The following PRKN variants were observed in gnomAD, a reference collection of about 807,000 sequenced individuals.
The protein encoded by PRKN is E3 ubiquitin-protein ligase parkin.
In PRKN, 56 loss-of-function variants were observed where a neutral mutation model predicts 59.5. The observed-to-expected ratio is 0.94, with a 90% CI of 0.76 to 1.18. PRKN has a LOEUF of 1.18. Among genes scored for constraint, PRKN ranks in the 50% most tolerant of loss-of-function variants. The pLI is 0.00. For missense variants in PRKN, 657 were observed against 596.4 expected (o/e 1.10, Z -1.06); for synonymous variants, 250 against 222.1 (o/e 1.13, Z -1.12).
intron 4 of PRKN, among the ~76,000 whole-genome samples, chr6:162,114,438 G>T (rs1180908783): frequency 2.0e-5 from 3 of 151,834 alleles, no homozygotes; most frequent in African/African-American, 7.3e-5. Context: ...CACATCCCTT[G>T]TAAGTTGGAT....
At chr6:162,419,341 A>G (rs1240032967) in intron 2 of PRKN, among the ~76,000 whole-genome samples, 2 of 152,192 alleles carry the variant, frequency 1.3e-5, no homozygotes, top group African/African-American at 4.8e-5. Context: ...CAAAGTGTTC[A>G]ACTTTATTAT....
chr6:162,676,320 G>C (rs924208945), intron 1 of PRKN, among the ~76,000 whole-genome samples: 10 of 151,796 alleles, frequency 6.6e-5, no homozygotes, highest in African/African-American at 2.2e-4. Context: ...CAGATGTTTT[G>C]ATGAGTTTCC....
chr6:162,488,866 G>A (rs1792675265), intron 1 of PRKN, among the ~76,000 whole-genome samples: 1 of 152,196 alleles, frequency 6.6e-6, no homozygotes, highest in South Asian at 2.1e-4. Flanking sequence ...CACTCTAGCA[G>A]GAAAGACAAA....
At chr6:162,428,366 C>G (rs979916307) in intron 2 of PRKN, among the ~76,000 whole-genome samples, 1 of 152,112 alleles carries the variant, frequency 6.6e-6, no homozygotes, top group Non-Finnish European at 1.5e-5. Context: ...TTTGGTAGCA[C>G]TAGGTATCAA....
At chr6:162,225,955 A>C (rs1263900107) in intron 3 of PRKN, among the ~76,000 whole-genome samples, 2 of 146,710 alleles carry the variant, frequency 1.4e-5, no homozygotes, top group Non-Finnish European at 3.0e-5. Context: ...TTATTTCCTA[A>C]ACATATATGT....
intron 4 of PRKN, among the ~76,000 whole-genome samples, chr6:162,063,210 A>G (rs955964132): frequency 6.6e-6 from 1 of 152,220 alleles, no homozygotes; most frequent in Non-Finnish European, 1.5e-5. Context: ...AATACATATA[A>G]TTGTAAAATA....
At chr6:161,937,710 GAATT>G (rs952579817) in intron 6 of PRKN, among the ~76,000 whole-genome samples, 1 of 152,192 alleles carries the variant, frequency 6.6e-6, no homozygotes, top group African/African-American at 2.4e-5. Context: ...AGCAGGAGAA[GAATT>G]AATTATTTAG....
chr6:162,688,619 T>C (rs948189173), intron 1 of PRKN, among the ~76,000 whole-genome samples: 7 of 152,134 alleles, frequency 4.6e-5, no homozygotes, highest in African/African-American at 1.4e-4. Context: ...TTGGAACCCA[T>C]CTCCTTGTGT....
intron 6 of PRKN, among the ~76,000 whole-genome samples, chr6:161,870,656 T>C (rs1296722115): frequency 3.3e-5 from 5 of 152,200 alleles, no homozygotes; most frequent in African/African-American, 1.2e-4. Context: ...TCAGTAGAGC[T>C]ATTTAAAAAT....
In PRKN at chr6:162,320,856, GACATA is replaced by G. The variant is rs558050333; in HGVS notation, c.172-58096_172-58092del. The stretch of plus-strand genomic sequence containing the variant: ...AAATTCAAAAGTGAATGAAAATGAA[GACATA>G]ACATAACAAAATTTAGGGGATGCAG... On this transcript the variant is annotated intron_variant, in intron 2 of 11. Coordinates refer to ENST00000366898, the MANE Select transcript of PRKN (RefSeq NM_004562.3). Among the ~76,000 whole-genome samples, 19 of 151,876 alleles carry G rather than the reference GACATA, an allele frequency of 1.3e-4. No homozygotes were observed. The East Asian group carries it at 2.1e-3, about 17-fold the overall frequency.
At chr6:162,278,316 G>C (rs1026014963) in intron 2 of PRKN, among the ~76,000 whole-genome samples, 1 of 152,138 alleles carries the variant, frequency 6.6e-6, no homozygotes, top group African/African-American at 2.4e-5. Flanking sequence ...AGACAGCACA[G>C]AGAATATTTA....
chr6:161,429,160 C>T lies in PRKN; in HGVS notation c.1084-42283G>A, dbSNP rs889909851. Among the ~76,000 whole-genome samples the T allele has an allele frequency of 2.6e-5, 4 of 152,192 alleles. No individual in the cohort carries two copies. Among genetic ancestry groups the T allele is most frequent in the South Asian group, 4.1e-4 (2 of 4,832 alleles). ...GAGTGAATGCTCCTATCACCTATAT[C>T]ACACTTCATATGATGTAAGATACAA... On this transcript the variant is annotated intron_variant, in intron 9 of 11. Transcript: ENST00000366898. The surrounding 1 kb of genome is among the most constrained non-coding windows in gnomAD (Gnocchi z 4.2).
intron 1 of PRKN, among the ~76,000 whole-genome samples, chr6:162,709,140 G>A (rs776899131): frequency 3.9e-5 from 6 of 151,938 alleles, no homozygotes; most frequent in Non-Finnish European, 8.8e-5. Flanking sequence ...AAACTCAGGG[G>A]CCCCACTGAT....
In PRKN at chr6:161,442,801, G is replaced by T. The variant is rs1789301699; in HGVS notation, c.1084-55924C>A. Among the ~76,000 whole-genome samples the T allele has an allele frequency of 6.6e-6, 1 of 152,136 alleles. No homozygotes were observed. The highest frequency in any genetic ancestry group is 1.5e-5 in the Non-Finnish European group (1 of 68,024). The stretch of plus-strand genomic sequence containing the variant: ...GCCTCTGCCAGGAAGCAAAAGAGAG[G>T]TTCTCTTCCCTTTCATTTTGGACAT... On this transcript the variant is annotated intron_variant, in intron 9 of 11. Transcript: ENST00000366898. The surrounding 1 kb of genome is among the most constrained non-coding windows in gnomAD (Gnocchi z 4.6).
rs537720464 is a variant in PRKN at position 161,995,507 on chromosome 6, T to A, written c.619-22090A>T. ...GGAGAAAATATCTCCAAACTATTCA[T>A]TCAACAAGGGACTAATACCCAGAAT... is the stretch of plus-strand genomic sequence containing the variant. On this transcript the variant is annotated intron_variant, in intron 5 of 11. Coordinates refer to ENST00000366898, the MANE Select transcript of PRKN (RefSeq NM_004562.3). Among the ~76,000 whole-genome samples the A allele has an allele frequency of 4.7e-4, 72 of 152,162 alleles. 2 individuals carry two copies. In the South Asian group the frequency reaches 0.014, roughly 30 times the overall value.
At chr6:161,674,116 G>A (rs916564619) in intron 7 of PRKN, among the ~76,000 whole-genome samples, 6 of 152,054 alleles carry the variant, frequency 3.9e-5, no homozygotes, top group Non-Finnish European at 7.4e-5. Flanking sequence ...AGAAACAAAG[G>A]GGGAGAAGGG....
At chr6:161,537,628 T>A (rs1344810528) in intron 9 of PRKN, among the ~76,000 whole-genome samples, 1 of 152,056 alleles carries the variant, frequency 6.6e-6, no homozygotes, top group African/African-American at 2.4e-5. Flanking sequence ...ATTTTTTGTG[T>A]TTTTAGTAGA....
chr6:162,541,944 G>A (rs547512105), intron 1 of PRKN, among the ~76,000 whole-genome samples: 15 of 152,190 alleles, frequency 9.9e-5, no homozygotes, highest in African/African-American at 3.6e-4. Flanking sequence ...TGACTATCCT[G>A]GTCATTGATT....
chr6:161,378,421 G>A lies in PRKN; in HGVS notation c.1167+8373C>T, dbSNP rs118142377. ...TGCCGGCAACAAAGAGCGGCACGGAGTCCTGTGTGTCCTCCACTCCTCGAG... is the reference window on the plus strand; with the variant it reads ...TGCCGGCAACAAAGAGCGGCACGGAATCCTGTGTGTCCTCCACTCCTCGAG... On this transcript the variant is annotated intron_variant, in intron 10 of 11. Transcript: ENST00000366898. This position sits in a 1 kb window ranked among gnomAD's most constrained non-coding sequence, Gnocchi z 7.3. Among the ~76,000 whole-genome samples, 66 of 152,308 alleles carry A rather than the reference G, an allele frequency of 4.3e-4. No individual in the cohort carries two copies. The highest frequency in any genetic ancestry group is 9.1e-4 in the Non-Finnish European group (62 of 68,032).
Sources: allele counts gnomAD v4.1 joint callset (sites outside exome capture counted in the v4.1 genomes callset), GRCh38; gene constraint gnomAD v4.1.1; non-coding constraint Gnocchi (gnomAD v3.1); transcripts MANE v1.5; gene names NCBI Gene and HGNC (gene_info 2026-07-23, HGNC 2026-07-21).